The following CADPS variants were observed in gnomAD, a reference collection of about 807,000 sequenced individuals.
The protein encoded by CADPS is calcium dependent secretion activator, also known as calcium-dependent secretion activator 1.
A neutral mutation model predicts 167.3 loss-of-function variants in CADPS; 57 were observed. The observed-to-expected ratio is 0.34, with a 90% confidence interval of 0.28 to 0.42. The LOEUF is 0.42. Ranked by LOEUF, CADPS falls within the 20% of genes least tolerant of loss-of-function variation. The probability of loss-of-function intolerance (pLI) is 1.00; values close to 1 mark genes in which losing one functional copy is unlikely to be tolerated. For missense variants in CADPS, 1,414 were observed against 1,738.1 expected (o/e 0.81, Z 3.32); for synonymous variants, 676 against 635.3 (o/e 1.06, Z -0.96).
intron 26 of CADPS, among the ~76,000 whole-genome samples, chr3:62,464,869 C>A (rs1279689849): frequency 6.6e-6 from 1 of 151,896 alleles, no homozygotes; most frequent in Admixed American, 6.6e-5. Flanking sequence ...TATGCAGGCA[C>A]CCCCAGAAAT....
intron 9 of CADPS, among the ~76,000 whole-genome samples, chr3:62,569,904 C>A (rs2080977468): frequency 6.6e-6 from 1 of 152,094 alleles, no homozygotes; most frequent in Non-Finnish European, 1.5e-5. Context: ...AAAATAAACA[C>A]CCTCCCCTAC....
intron 3 of CADPS, among the ~76,000 whole-genome samples, chr3:62,748,268 C>T (rs995690005): frequency 2.9e-5 from 4 of 138,616 alleles, no homozygotes; most frequent in South Asian, 2.3e-4. Flanking sequence ...ATGGCGTGAA[C>T]CCGGGAGGCG....
intron 1 of CADPS, among the ~76,000 whole-genome samples, chr3:62,788,963 C>T (rs1192954355): frequency 2.6e-5 from 4 of 152,144 alleles, no homozygotes; most frequent in African/African-American, 7.2e-5. Flanking sequence ...TAATCTGGCT[C>T]CATATTCAAT....
At chr3:62,598,484 T>A (rs2059239514) in intron 6 of CADPS, among the ~76,000 whole-genome samples, 1 of 152,244 alleles carries the variant, frequency 6.6e-6, no homozygotes, top group Non-Finnish European at 1.5e-5. Flanking sequence ...TCATTCTTTG[T>A]CCTTTTGTAG....
rs928423543 is a variant in CADPS at position 62,638,077 on chromosome 3, TTA to T, written c.1325+7643_1325+7644del. On this transcript the variant is annotated intron_variant, in intron 6 of 29. Transcript: ENST00000383710. ...ATCTGCCCAAGCATTGTTTTAAGCA[TTA>T]TATATATATATATATGTATATATAT... Among the ~76,000 whole-genome samples the T allele has an allele frequency of 3.2e-3, 116 of 36,820 alleles. 4 individuals are homozygous for T. Among genetic ancestry groups the T allele is most frequent in the African/African-American group, 4.2e-3 (108 of 25,502 alleles). 24.2% of individuals were successfully genotyped at this position (36,820 alleles called of 152,430 possible).
chr3:62,621,539 T>C (rs1388158364), intron 6 of CADPS, among the ~76,000 whole-genome samples: 2 of 152,180 alleles, frequency 1.3e-5, no homozygotes, highest in Admixed American at 6.6e-5. Context: ...TTATGGGGTA[T>C]AGTTTTTAAC....
chr3:62,665,796 TA>T (rs1360780049), intron 3 of CADPS, among the ~76,000 whole-genome samples: 1 of 152,220 alleles, frequency 6.6e-6, no homozygotes, highest in East Asian at 1.9e-4. Flanking sequence ...TTGGGCAAGT[TA>T]CTTAACCTCT....
intron 9 of CADPS, among the ~76,000 whole-genome samples, chr3:62,570,078 A>T (rs2081008399): frequency 6.6e-6 from 1 of 152,206 alleles, no homozygotes; most frequent in African/African-American, 2.4e-5. Flanking sequence ...AGCCTTGTTA[A>T]GAATAGCCCA....
chr3:62,866,567 T>C (rs1480444421), intron 1 of CADPS, among the ~76,000 whole-genome samples: 1 of 152,008 alleles, frequency 6.6e-6, no homozygotes. Context: ...TACAAAGCTT[T>C]GAGTAAGGTT....
chr3:62,763,744 C>T (rs2086146580), intron 2 of CADPS, among the ~76,000 whole-genome samples: 1 of 152,082 alleles, frequency 6.6e-6, no homozygotes, highest in Admixed American at 6.5e-5. Flanking sequence ...ATTAGACTTC[C>T]CTGGAAAAGT....
intron 11 of CADPS, among the ~76,000 whole-genome samples, chr3:62,543,755 A>T (rs889956366): frequency 2.0e-5 from 3 of 152,128 alleles, no homozygotes; most frequent in African/African-American, 7.2e-5. Flanking sequence ...AGAATACTCA[A>T]ATACATAGTT....
chr3:62,445,886 C>A, intron 26 of CADPS, 89 bp from the exon 27 acceptor site: 1 of 879,586 alleles, frequency 1.1e-6, no homozygotes. Flanking sequence ...AGAATCAAAA[C>A]AACATGCTGG....
At chr3:62,654,053 C>G (rs2070905328) in intron 4 of CADPS, among the ~76,000 whole-genome samples, 1 of 152,194 alleles carries the variant, frequency 6.6e-6, no homozygotes, top group Non-Finnish European at 1.5e-5. Flanking sequence ...TTGTATTTCT[C>G]TAAAACTTCC....
In CADPS at chr3:62,576,153, T is replaced by C. The variant is rs1250997664; in HGVS notation, c.1578-5215A>G. Among the ~76,000 whole-genome samples, 3 of 152,190 alleles carry C rather than the reference T, an allele frequency of 2.0e-5. No individual in the cohort carries two copies. In the South Asian group the frequency reaches 6.2e-4, roughly 32 times the overall value. ...TGTGGGCATTAGTGGCCCTGAACTC[T>C]CTGTTTTCAAGCTGTCCGGGTATGT... On this transcript the variant is annotated intron_variant, in intron 8 of 29. Transcript: ENST00000383710.
Position 62,478,552 on chromosome 3 carries a change from C to G in CADPS, c.3174-136G>C. The G allele has an allele frequency of 1.3e-6, 1 of 769,352 alleles. No individual in the cohort carries two copies. The highest frequency in any genetic ancestry group is 2.1e-6 in the Non-Finnish European group (1 of 484,608). 47.7% of individuals were successfully genotyped at this position (769,352 alleles called of 1,614,324 possible). On this transcript the variant is annotated intron_variant, in intron 22 of 29. Coordinates refer to ENST00000383710, the MANE Select transcript of CADPS (RefSeq NM_003716.4). This position sits in a 1 kb window ranked among gnomAD's most constrained non-coding sequence, Gnocchi z 5.7. ...AAACAACGTGTGTTGGCGGTGGAGG[C>G]GGGGGCGAGTCTCCACCGGCAGATT...
At chr3:62,418,589 C>T (rs1327069120) in intron 28 of CADPS, among the ~76,000 whole-genome samples, 2 of 150,812 alleles carry the variant, frequency 1.3e-5, no homozygotes, top group African/African-American at 2.4e-5. Flanking sequence ...GATCCACCAG[C>T]CTCAGCCTCC....
intron 3 of CADPS, among the ~76,000 whole-genome samples, chr3:62,706,658 C>T (rs1016893530): frequency 3.9e-5 from 6 of 152,112 alleles, no homozygotes; most frequent in African/African-American, 1.5e-4. Flanking sequence ...TGTTACTTGG[C>T]TTGCAGAATT....
chr3:62,545,616 A>C (rs1350666747), intron 11 of CADPS, among the ~76,000 whole-genome samples: 1 of 152,054 alleles, frequency 6.6e-6, no homozygotes, highest in Non-Finnish European at 1.5e-5. Context: ...AGCAGGATCT[A>C]TTTTTTTCAG....
intron 20 of CADPS, 69 bp from the exon 21 acceptor site, chr3:62,491,549 AC>A: frequency 1.1e-6 from 1 of 894,102 alleles, no homozygotes; most frequent in South Asian, 1.5e-5. Flanking sequence ...ACACACACAC[AC>A]ACACACAAAC....
Sources: allele counts gnomAD v4.1 joint callset (sites outside exome capture counted in the v4.1 genomes callset), GRCh38; gene constraint gnomAD v4.1.1; non-coding constraint Gnocchi (gnomAD v3.1); transcripts MANE v1.5; gene names NCBI Gene and HGNC (gene_info 2026-07-23, HGNC 2026-07-21).